The following ZNF385B variants were observed in gnomAD, a reference collection of about 807,000 sequenced individuals.
ZNF385B encodes the protein zinc finger protein 385B.
Under a neutral mutation model 39.2 loss-of-function variants are expected in ZNF385B, and 23 were observed. The observed-to-expected ratio is 0.59, with a 90% CI of 0.42 to 0.83. ZNF385B has a LOEUF of 0.83. ZNF385B is among the 40% of genes least tolerant of loss of function. ZNF385B has a pLI of 0.00. For missense variants in ZNF385B, 552 were observed against 598.9 expected, an observed-to-expected ratio of 0.92 and a Z score of 0.82; for synonymous variants, 205 against 222.6, an observed-to-expected ratio of 0.92 and a Z score of 0.70.
At chr2:179,610,464 A>T (rs1461153155) in intron 3 of ZNF385B, among the ~76,000 whole-genome samples, 1 of 152,110 alleles carries the variant, frequency 6.6e-6, no homozygotes, top group Admixed American at 6.5e-5. Context: ...ATAGATCTGT[A>T]ATATAATTTG....
At chr2:179,722,381 C>T (rs1026450095) in intron 3 of ZNF385B, among the ~76,000 whole-genome samples, 3 of 152,114 alleles carry the variant, frequency 2.0e-5, no homozygotes, top group South Asian at 2.1e-4. Flanking sequence ...CATATTATGA[C>T]ATTGGTGTAG....
chr2:179,666,753 T>C (rs574744933), intron 3 of ZNF385B, among the ~76,000 whole-genome samples: 1 of 152,292 alleles, frequency 6.6e-6, no homozygotes, highest in South Asian at 2.1e-4. Context: ...ACGGGAGCTC[T>C]TGCTCTCATG....
At chr2:179,732,945 C>G (rs1208966720) in intron 3 of ZNF385B, among the ~76,000 whole-genome samples, 7 of 152,040 alleles carry the variant, frequency 4.6e-5, no homozygotes, top group Non-Finnish European at 8.8e-5. Flanking sequence ...ATTGAGCTAC[C>G]TTGAAAATTT....
At chr2:179,513,304 C>T (rs1195767817) in intron 5 of ZNF385B, among the ~76,000 whole-genome samples, 3 of 152,186 alleles carry the variant, frequency 2.0e-5, no homozygotes, top group Admixed American at 2.0e-4. Flanking sequence ...ACACTGAGAA[C>T]AAGTACATGT....
intron 3 of ZNF385B, among the ~76,000 whole-genome samples, chr2:179,572,336 A>C (rs556673771): frequency 6.6e-6 from 1 of 152,232 alleles, no homozygotes; most frequent in South Asian, 2.1e-4. Context: ...GCCTTCATGG[A>C]GCTAACTGCC....
chr2:179,483,997 A>G (rs2054291566), intron 5 of ZNF385B, among the ~76,000 whole-genome samples: 1 of 152,232 alleles, frequency 6.6e-6, no homozygotes, highest in Admixed American at 6.5e-5. Context: ...GATTCCAGTT[A>G]CAAGAACAGA....
chr2:179,588,152 C>A (rs1687243489), intron 3 of ZNF385B, among the ~76,000 whole-genome samples: 1 of 152,054 alleles, frequency 6.6e-6, no homozygotes, highest in Non-Finnish European at 1.5e-5. Context: ...GCAGTGGCAC[C>A]ATCTCGGCTC....
chr2:179,549,909 T>A (rs2060464457), intron 3 of ZNF385B, among the ~76,000 whole-genome samples: 1 of 148,702 alleles, frequency 6.7e-6, no homozygotes, highest in South Asian at 2.2e-4. Context: ...CTCAAGTAAA[T>A]ACTCTGATCT....
intron 3 of ZNF385B, among the ~76,000 whole-genome samples, chr2:179,699,117 A>AATAT (rs59977971): frequency 7.4e-4 from 111 of 150,554 alleles, no homozygotes; most frequent in Middle Eastern, 3.5e-3. Flanking sequence ...TTTGTGTTAA[A>AATAT]ATATATATAT....
intron 3 of ZNF385B, among the ~76,000 whole-genome samples, chr2:179,766,406 C>G (rs895469522): frequency 6.6e-6 from 1 of 152,108 alleles, no homozygotes; most frequent in African/African-American, 2.4e-5. Flanking sequence ...GCTGTTGTAA[C>G]AAAGTACTAT....
intron 3 of ZNF385B, among the ~76,000 whole-genome samples, chr2:179,689,135 T>A (rs964614153): frequency 6.6e-6 from 1 of 152,236 alleles, no homozygotes; most frequent in Admixed American, 6.5e-5. Flanking sequence ...AAATCAGGAC[T>A]GCCATGGAGA....
chr2:179,446,766 A>G lies in ZNF385B; in HGVS notation c.720T>C (p.Asp240=). Reference sequence around the variant, plus strand: ...AACTGCTGGCTTTTAACTTCCCTTTATCTTCTAAGAGAAACACAGAGAGAT... The same window carrying G: ...AACTGCTGGCTTTTAACTTCCCTTTGTCTTCTAAGAGAAACACAGAGAGAT... ...ITGNNSDKSE[D]KGKLKASSSS... The change falls in exon 7 of 10, where the codon GAT becomes GAC. Residue 240 remains aspartate (D), a synonymous_variant. Coordinates refer to ENST00000410066, the MANE Select transcript of ZNF385B (RefSeq NM_152520.6). The G allele has an allele frequency of 6.2e-7, 1 of 1,610,312 alleles. No individual in the cohort carries two copies. The highest frequency in any genetic ancestry group is 1.1e-5 in the South Asian group (1 of 90,282).
At chr2:179,725,528 T>C (rs1575352491) in intron 3 of ZNF385B, among the ~76,000 whole-genome samples, 1 of 151,740 alleles carries the variant, frequency 6.6e-6, no homozygotes, top group African/African-American at 2.4e-5. Flanking sequence ...TTTTTAGACA[T>C]TTTCTTTGGA....
At chr2:179,567,825 C>T (rs1418702543) in intron 3 of ZNF385B, among the ~76,000 whole-genome samples, 1 of 152,220 alleles carries the variant, frequency 6.6e-6, no homozygotes, top group Non-Finnish European at 1.5e-5. Flanking sequence ...TGCAAATCTT[C>T]CTGCTTCCAT....
intron 1 of ZNF385B, among the ~76,000 whole-genome samples, chr2:179,844,145 C>T (rs992544461): frequency 6.6e-5 from 10 of 152,206 alleles, no homozygotes; most frequent in Admixed American, 4.6e-4. Flanking sequence ...AAAATGCCTG[C>T]GTAACCTCCT....
At chr2:179,713,092 G>T (rs887566716) in intron 3 of ZNF385B, among the ~76,000 whole-genome samples, 25 of 152,154 alleles carry the variant, frequency 1.6e-4, no homozygotes, top group Middle Eastern at 3.2e-3. Flanking sequence ...GCTAATAAAA[G>T]TGTTCTGCGC....
chr2:179,677,072 A>G (rs945827261), intron 3 of ZNF385B, among the ~76,000 whole-genome samples: 1 of 152,240 alleles, frequency 6.6e-6, no homozygotes, highest in South Asian at 2.1e-4. Flanking sequence ...GTCATGAAAT[A>G]CATATGTATA....
intron 3 of ZNF385B, among the ~76,000 whole-genome samples, chr2:179,698,621 CAT>C (rs1270359925): frequency 6.6e-6 from 1 of 152,110 alleles, no homozygotes; most frequent in Non-Finnish European, 1.5e-5. Flanking sequence ...AAATCCCAGT[CAT>C]ACTGTTATTA....
intron 3 of ZNF385B, among the ~76,000 whole-genome samples, chr2:179,693,895 G>C (rs1419960504): frequency 6.6e-6 from 1 of 152,116 alleles, no homozygotes; most frequent in Non-Finnish European, 1.5e-5. Flanking sequence ...TTCTGCTCTA[G>C]ACTAAATCCT....
Sources: gnomAD v4.1 joint callset for allele counts (sites outside exome capture counted in the v4.1 genomes callset) on GRCh38, gnomAD v4.1.1 for gene constraint, MANE v1.5 for transcripts, NCBI Gene and HGNC (gene_info 2026-07-23, HGNC 2026-07-21) for gene names.